SCAI: variants seen among roughly 807,000 people sequenced by gnomAD.
SCAI encodes the protein protein SCAI.
SCAI carries 24 observed loss-of-function variants against 92.2 expected under a neutral mutation model. The ratio of observed to expected loss-of-function variants is 0.26; its 90% CI spans 0.19 to 0.37. SCAI has a LOEUF of 0.37. Ranked by LOEUF, SCAI falls within the 10% of genes least tolerant of loss-of-function variation. The pLI is 1.00. For missense variants in SCAI, 450 were observed against 736.2 expected (o/e 0.61, Z 4.50); for synonymous variants, 261 against 258.6 (o/e 1.01, Z -0.09).
chr9:124,961,117 CTG>C, intron 17 of SCAI, among the ~76,000 whole-genome samples: 1 of 146,756 alleles, frequency 6.8e-6, no homozygotes, highest in African/African-American at 2.5e-5. Context: ...GACAGAGACT[CTG>C]TCTCAAATTA....
intron 2 of SCAI, among the ~76,000 whole-genome samples, chr9:125,069,552 T>C (rs10986537): frequency 0.034 from 5,066 of 151,000 alleles, 166 homozygotes; most frequent in East Asian, 0.16. Context: ...TCTCCTGACC[T>C]TGTGATCCGC....
chr9:124,976,686 T>C (rs935440321), intron 14 of SCAI, among the ~76,000 whole-genome samples: 2 of 152,206 alleles, frequency 1.3e-5, no homozygotes, highest in East Asian at 3.8e-4. Context: ...TAAAGTACTC[T>C]ACATAATTAA....
intron 2 of SCAI, among the ~76,000 whole-genome samples, chr9:125,084,185 T>C (rs1834278333): frequency 8.1e-6 from 1 of 123,144 alleles, no homozygotes; most frequent in African/African-American, 3.1e-5. Context: ...TTTTTTTTTT[T>C]TTTGAGATGG....
chr9:125,073,265 C>T (rs982396567), intron 2 of SCAI, among the ~76,000 whole-genome samples: 13 of 150,012 alleles, frequency 8.7e-5, no homozygotes, highest in African/African-American at 1.5e-4. Context: ...CTACCACGCC[C>T]GGCTAATTTT....
intron 9 of SCAI, among the ~76,000 whole-genome samples, chr9:125,018,389 C>A (rs1832804885): frequency 6.6e-6 from 1 of 151,980 alleles, no homozygotes; most frequent in Non-Finnish European, 1.5e-5. Flanking sequence ...AGCCACTGTG[C>A]CAGGTCAGAA....
chr9:125,036,199 G>GGTAAC (rs1179188129), intron 3 of SCAI, among the ~76,000 whole-genome samples: 1 of 152,076 alleles, frequency 6.6e-6, no homozygotes, highest in Admixed American at 6.6e-5. Flanking sequence ...CGAGAAGAGT[G>GGTAAC]GTAACGTAAA....
At chr9:125,142,736 G>A (rs1283560533) in intron 1 of SCAI, 59 bp from the exon 2 acceptor site, 6 of 1,458,256 alleles carry the variant, frequency 4.1e-6, no homozygotes, top group South Asian at 1.1e-5. Context: ...ACATCTCCCG[G>A]CGCTACCGTG....
At chr9:125,023,951 G>GA (rs1429481451) in intron 6 of SCAI, among the ~76,000 whole-genome samples, 1 of 151,836 alleles carries the variant, frequency 6.6e-6, no homozygotes, top group African/African-American at 2.4e-5. Flanking sequence ...TCAAACTGCA[G>GA]AAAAAAGAGT....
At position 125,143,524 on chromosome 9, in the gene SCAI, G is replaced by T; in HGVS notation, c.-87C>A. The stretch of plus-strand genomic sequence containing the variant: ...GGCGGCGGAGGCTGGAGTAGGCGGA[G>T]AGGCGGGAGGAGGGCCTCGCGCCTC... On this transcript the variant is annotated 5_prime_UTR_variant, in exon 1 of 18. Coordinates refer to ENST00000336505, the MANE Select transcript of SCAI (RefSeq NM_001144877.3). 1 of 1,139,522 alleles carries T rather than the reference G, an allele frequency of 8.8e-7. No individual in the cohort carries two copies. The highest frequency in any genetic ancestry group is 1.1e-6 in the Non-Finnish European group (1 of 884,012). The allele number at this position is 1,139,522 out of a possible 1,614,324, so 70.6% of individuals were successfully genotyped here.
chr9:124,975,979 C>T (rs1213823285), intron 15 of SCAI, 135 bp downstream of exon 15: 11 of 555,538 alleles, frequency 2.0e-5, no homozygotes, highest in Non-Finnish European at 3.2e-5. Flanking sequence ...TATTTCAGAG[C>T]GACACCTGCC....
intron 2 of SCAI, among the ~76,000 whole-genome samples, chr9:125,139,408 A>AAAC (rs144272857): frequency 5.3e-5 from 8 of 152,054 alleles, no homozygotes; most frequent in South Asian, 2.1e-4. Context: ...CGTCTTTAAA[A>AAAC]AACAACAACA....
chr9:124,968,822 C>T (rs985896520), intron 17 of SCAI: 7 of 685,362 alleles, frequency 1.0e-5, no homozygotes, highest in Admixed American at 4.4e-5. Flanking sequence ...AGCCATAGAG[C>T]GGGGCCAATT....
At chr9:125,039,405 G>GAAAAGA (rs896217593) in intron 3 of SCAI, among the ~76,000 whole-genome samples, 1 of 142,060 alleles carries the variant, frequency 7.0e-6, no homozygotes, top group East Asian at 2.0e-4. Flanking sequence ...AAAAAAAAAA[G>GAAAAGA]AAAAGAAAAA....
chr9:125,023,332 A>G (rs1832906100), intron 6 of SCAI, among the ~76,000 whole-genome samples: 1 of 152,188 alleles, frequency 6.6e-6, no homozygotes, highest in South Asian at 2.1e-4. Context: ...CTTTCTTGAC[A>G]ACTAAGTTTT....
At chr9:124,983,347 T>TTTTTTA (rs1274384055) in intron 14 of SCAI, among the ~76,000 whole-genome samples, 1 of 152,004 alleles carries the variant, frequency 6.6e-6, no homozygotes, top group Non-Finnish European at 1.5e-5. Context: ...ATGTAAGTAT[T>TTTTTTA]TTTTTATTTT....
chr9:125,114,145 A>G (rs1009658989), intron 2 of SCAI, among the ~76,000 whole-genome samples: 4 of 152,222 alleles, frequency 2.6e-5, no homozygotes, highest in African/African-American at 9.6e-5. Flanking sequence ...TCTGTCGGAT[A>G]CTATGCAAAC....
intron 2 of SCAI, among the ~76,000 whole-genome samples, chr9:125,076,144 T>C (rs1266466679): frequency 6.6e-6 from 1 of 152,206 alleles, no homozygotes; most frequent in Non-Finnish European, 1.5e-5. Context: ...AGAAGGCTGT[T>C]AGTCATCAAA....
chr9:125,084,158 C>CTTTT (rs34786493), intron 2 of SCAI, among the ~76,000 whole-genome samples: 806 of 65,124 alleles, frequency 0.012, 173 homozygotes, highest in Non-Finnish European at 0.017. Flanking sequence ...TTGGCTGCTG[C>CTTTT]TTTTTTTTTT....
At chr9:125,001,391 G>T (rs1335872547) in intron 12 of SCAI, among the ~76,000 whole-genome samples, 3 of 152,128 alleles carry the variant, frequency 2.0e-5, no homozygotes, top group Non-Finnish European at 2.9e-5. Flanking sequence ...TTTCTGGACT[G>T]GTATGTTCTG....
Sources: gnomAD v4.1 joint callset for allele counts (sites outside exome capture counted in the v4.1 genomes callset) on GRCh38, gnomAD v4.1.1 for gene constraint, MANE v1.5 for transcripts, NCBI Gene and HGNC (gene_info 2026-07-23, HGNC 2026-07-21) for gene names.